Variants in NRG1 observed in about 807,000 individuals in gnomAD.
NRG1 encodes the protein pro-neuregulin-1, membrane-bound isoform.
NRG1 carries 18 observed loss-of-function variants against 63.8 expected under a neutral mutation model. The ratio of observed to expected loss-of-function variants is 0.28; its 90% CI spans 0.19 to 0.42. The LOEUF is 0.42. Ranked by LOEUF, NRG1 falls within the 10% of genes least tolerant of loss-of-function variation. NRG1 has a pLI of 1.00. For synonymous variants in NRG1, 302 were observed against 301.3 expected, an observed-to-expected ratio of 1.00 and a Z score of -0.02; for missense variants, 762 against 814.7, an observed-to-expected ratio of 0.94 and a Z score of 0.79.
At chr8:31,951,413 T>C (rs374930154) in intron 1 of NRG1, among the ~76,000 whole-genome samples, 2 of 152,188 alleles carry the variant, frequency 1.3e-5, no homozygotes, top group African/African-American at 4.8e-5. Context: ...AAAGCATTTC[T>C]GGCAGTGAGC....
chr8:32,552,210 C>CTTTTTTTTTT (rs35243877), intron 1 of NRG1, among the ~76,000 whole-genome samples: 1 of 124,766 alleles, frequency 8.0e-6, no homozygotes, highest in Non-Finnish European at 1.7e-5. Flanking sequence ...CGCTTGGCCG[C>CTTTTTTTTTT]TTTTTTTTTT....
At chr8:32,308,852 C>T (rs370722587) in intron 1 of NRG1, among the ~76,000 whole-genome samples, 2 of 152,214 alleles carry the variant, frequency 1.3e-5, no homozygotes, top group East Asian at 3.8e-4. Context: ...TTGCAATATG[C>T]TGATGCCCTG....
At chr8:32,687,207 A>G (rs1220206864) in intron 5 of NRG1, among the ~76,000 whole-genome samples, 1 of 152,222 alleles carries the variant, frequency 6.6e-6, no homozygotes, top group Non-Finnish European at 1.5e-5. Context: ...GAAATATAAA[A>G]TGTGTTCTTA....
intron 1 of NRG1, among the ~76,000 whole-genome samples, chr8:31,985,169 A>C: frequency 6.6e-6 from 1 of 152,266 alleles, no homozygotes; most frequent in East Asian, 1.9e-4. Flanking sequence ...GATTTAAAGA[A>C]TGACTTAAAG....
At chr8:32,512,926 A>C (rs1829383352) in intron 1 of NRG1, among the ~76,000 whole-genome samples, 1 of 152,170 alleles carries the variant, frequency 6.6e-6, no homozygotes, top group African/African-American at 2.4e-5. Context: ...TGCAGTAGCT[A>C]TTTCAGGTAG....
intron 1 of NRG1, among the ~76,000 whole-genome samples, chr8:32,314,412 C>G (rs1487165760): frequency 1.3e-5 from 2 of 149,986 alleles, no homozygotes; most frequent in Non-Finnish European, 2.9e-5. Flanking sequence ...CAATTCTGTT[C>G]CAGATAACCG....
intron 1 of NRG1, among the ~76,000 whole-genome samples, chr8:31,982,825 T>C (rs1004732841): frequency 7.2e-5 from 11 of 152,226 alleles, no homozygotes; most frequent in East Asian, 1.9e-4. Flanking sequence ...CCAGAGGCTA[T>C]TGGGCATAGG....
chr8:32,325,992 T>A (rs1801953653), intron 1 of NRG1, among the ~76,000 whole-genome samples: 1 of 151,386 alleles, frequency 6.6e-6, no homozygotes, highest in Admixed American at 6.6e-5. Context: ...ACTGATGTTT[T>A]CTCTTCACAT....
At chr8:32,756,205 A>G (rs1298614007) in intron 8 of NRG1, among the ~76,000 whole-genome samples, 198 bp from the exon 9 acceptor site, 1 of 152,114 alleles carries the variant, frequency 6.6e-6, no homozygotes, top group East Asian at 1.9e-4. Flanking sequence ...TAAGAATCCC[A>G]GGTGGCTTTT....
intron 1 of NRG1, among the ~76,000 whole-genome samples, chr8:31,886,491 G>A (rs1830724269): frequency 6.6e-6 from 1 of 152,078 alleles, no homozygotes; most frequent in African/African-American, 2.4e-5. Context: ...ATAAAGAAGA[G>A]CATGTGTGAT....
intron 1 of NRG1, among the ~76,000 whole-genome samples, chr8:32,384,832 A>G (rs891260105): frequency 2.0e-5 from 3 of 152,218 alleles, no homozygotes; most frequent in Non-Finnish European, 2.9e-5. Flanking sequence ...GTGAGATTTC[A>G]AAAAGATCCT....
At chr8:31,765,315 C>A (rs1009036380) in intron 1 of NRG1, among the ~76,000 whole-genome samples, 5 of 151,994 alleles carry the variant, frequency 3.3e-5, no homozygotes, top group African/African-American at 1.2e-4. Context: ...GTCAGTCTAC[C>A]ATTTATTTCG....
At chr8:31,966,358 A>G (rs1295300404) in intron 1 of NRG1, among the ~76,000 whole-genome samples, 1 of 152,230 alleles carries the variant, frequency 6.6e-6, no homozygotes, top group Non-Finnish European at 1.5e-5. Flanking sequence ...TGGAAAAGCA[A>G]TAAGAGTAGG....
At chr8:32,419,006 G>A (rs1349301588) in intron 1 of NRG1, among the ~76,000 whole-genome samples, 1 of 152,150 alleles carries the variant, frequency 6.6e-6, no homozygotes, top group Non-Finnish European at 1.5e-5. Flanking sequence ...CTGAAACTGA[G>A]TTGGAAATCA....
intron 5 of NRG1, among the ~76,000 whole-genome samples, chr8:32,684,684 C>T (rs2128923327): frequency 6.6e-6 from 1 of 152,132 alleles, no homozygotes; most frequent in African/African-American, 2.4e-5. Context: ...CTTTCTACTT[C>T]TCAAATTTGA....
chr8:32,206,684 T>C (rs1244936881), intron 1 of NRG1, among the ~76,000 whole-genome samples: 1 of 152,236 alleles, frequency 6.6e-6, no homozygotes, highest in Non-Finnish European at 1.5e-5. Flanking sequence ...GCAGTTTCAT[T>C]ACATGGATGT....
intron 1 of NRG1, among the ~76,000 whole-genome samples, chr8:31,904,904 A>G (rs1832394870): frequency 6.6e-6 from 1 of 152,100 alleles, no homozygotes; most frequent in African/African-American, 2.4e-5. Flanking sequence ...TCAAAAAACT[A>G]CCTATCAAAT....
At chr8:31,721,726 T>C (rs1424302658) in intron 1 of NRG1, among the ~76,000 whole-genome samples, 2 of 152,148 alleles carry the variant, frequency 1.3e-5, no homozygotes, top group Admixed American at 6.5e-5. Context: ...TTTATTCTGG[T>C]GGGGTGTGTG....
chr8:32,702,104 C>A (rs192749281), intron 5 of NRG1, among the ~76,000 whole-genome samples: 8 of 152,178 alleles, frequency 5.3e-5, no homozygotes, highest in Admixed American at 3.9e-4. Flanking sequence ...TCTTTGAATT[C>A]TTTTTCCTGT....
Sources: allele counts gnomAD v4.1 joint callset (sites outside exome capture counted in the v4.1 genomes callset), GRCh38; gene constraint gnomAD v4.1.1; transcripts MANE v1.5; gene names NCBI Gene and HGNC (gene_info 2026-07-23, HGNC 2026-07-21).